The following COL24A1 variants were observed in gnomAD, a reference collection of about 807,000 sequenced individuals.
The protein encoded by COL24A1 is collagen type XXIV alpha 1 chain, also known as collagen alpha-1(XXIV) chain.
COL24A1 carries 224 observed loss-of-function variants against 253.9 expected under a neutral mutation model. That is an observed-to-expected ratio of 0.88 (90% CI 0.79 to 0.99). COL24A1 has a LOEUF of 0.99. COL24A1 is among the 50% of genes least tolerant of loss of function. The pLI, the probability that COL24A1 is intolerant of heterozygous loss-of-function variation, is 0.00. For missense variants in COL24A1, 2,131 were observed against 2,068.5 expected (o/e 1.03, Z -0.59); for synonymous variants, 685 against 673.7 (o/e 1.02, Z -0.26).
At chr1:85,891,394 A>G (rs1410827544) in intron 31 of COL24A1, among the ~76,000 whole-genome samples, 1 of 152,116 alleles carries the variant, frequency 6.6e-6, no homozygotes, top group Non-Finnish European at 1.5e-5. Flanking sequence ...TATTGATCTC[A>G]GGAAAGCTGA....
intron 2 of COL24A1, among the ~76,000 whole-genome samples, chr1:86,138,150 T>A (rs184765302): frequency 1.5e-3 from 222 of 152,332 alleles, no homozygotes; most frequent in African/African-American, 5.2e-3. Flanking sequence ...TTGATTTTAA[T>A]CTGTATCCTT....
At chr1:85,825,063 T>A (rs1374138676) in intron 43 of COL24A1, among the ~76,000 whole-genome samples, 1 of 146,404 alleles carries the variant, frequency 6.8e-6, no homozygotes, top group Non-Finnish European at 1.5e-5. Flanking sequence ...CCCAATGCTA[T>A]CCCTCTCCCC....
intron 47 of COL24A1, among the ~76,000 whole-genome samples, chr1:85,794,088 C>T (rs1313909397): frequency 1.3e-5 from 2 of 151,940 alleles, no homozygotes; most frequent in Non-Finnish European, 2.9e-5. Context: ...AGATGTAGAT[C>T]GTGTGAGAAT....
chr1:86,021,524 T>TA (rs1697536950), intron 18 of COL24A1, among the ~76,000 whole-genome samples: 1 of 152,002 alleles, frequency 6.6e-6, no homozygotes, highest in Admixed American at 6.6e-5. Context: ...TTTCTTAATA[T>TA]AAAAAATAGG....
At chr1:86,090,998 T>C (rs185510076) in intron 6 of COL24A1, among the ~76,000 whole-genome samples, 100 of 152,194 alleles carry the variant, frequency 6.6e-4, no homozygotes, top group African/African-American at 2.3e-3. Flanking sequence ...GTCACCAAAA[T>C]TGAGTGGGCC....
chr1:85,942,142 A>G (rs987793765), intron 24 of COL24A1, among the ~76,000 whole-genome samples: 1 of 152,188 alleles, frequency 6.6e-6, no homozygotes, highest in African/African-American at 2.4e-5. Context: ...TCTTTAGGCA[A>G]TAATAAATCT....
chr1:86,064,754 G>A (rs1701345752), intron 7 of COL24A1, among the ~76,000 whole-genome samples: 1 of 152,160 alleles, frequency 6.6e-6, no homozygotes, highest in South Asian at 2.1e-4. Flanking sequence ...TATCAGAAGA[G>A]ATGAATTCGG....
At chr1:86,079,387 G>C (rs1702476009) in intron 7 of COL24A1, among the ~76,000 whole-genome samples, 1 of 152,126 alleles carries the variant, frequency 6.6e-6, no homozygotes. Flanking sequence ...CAGGACATTG[G>C]TCTGGGCAAA....
At position 85,834,211 on chromosome 1, in the gene COL24A1, A is replaced by G. The variant is rs147157917; in HGVS notation, c.3681+4374T>C. 9.3e-3 allele frequency among the ~76,000 whole-genome samples: 1,412 copies of G among 152,228 alleles called. 59 individuals are homozygous for G. Among genetic ancestry groups the G allele is most frequent in the Admixed American group, 0.066 (1,008 of 15,278 alleles). ...AACTAGATTCCAGAAACATTTAAGA[A>G]TCAAAAGAAGTGGCTGACTGTGAGA... On this transcript the variant is annotated intron_variant, in intron 43 of 59. Coordinates refer to ENST00000370571, the MANE Select transcript of COL24A1 (RefSeq NM_152890.7).
rs990809037 is a variant in COL24A1 at position 86,002,297 on chromosome 1, C to T, written c.2311-14643G>A. Reference sequence around the variant, plus strand: ...TTACAGCATCGCTGAATTCACCAGGCGCACCCCTGCGGAGATCGCATAGAT... The same window carrying T: ...TTACAGCATCGCTGAATTCACCAGGTGCACCCCTGCGGAGATCGCATAGAT... On this transcript the variant is annotated intron_variant, in intron 19 of 59. Transcript: ENST00000370571. Among the ~76,000 whole-genome samples the T allele has an allele frequency of 1.9e-4, 29 of 152,270 alleles. 1 individual carries two copies. The highest frequency in any genetic ancestry group is 1.7e-3 in the South Asian group (8 of 4,820).
intron 12 of COL24A1, among the ~76,000 whole-genome samples, chr1:86,041,919 T>A (rs1333381244): frequency 6.6e-6 from 1 of 152,098 alleles, no homozygotes; most frequent in Non-Finnish European, 1.5e-5. Context: ...AAAGGATGAA[T>A]CAATAATAGC....
At chr1:86,048,736 C>T (rs1041627812) in intron 11 of COL24A1, among the ~76,000 whole-genome samples, 24 of 152,218 alleles carry the variant, frequency 1.6e-4, no homozygotes, top group Non-Finnish European at 2.4e-4. Context: ...ATGATCCACC[C>T]GCCTCGGCCT....
At chr1:85,792,190 T>C (rs1670342072) in intron 47 of COL24A1, among the ~76,000 whole-genome samples, 1 of 151,894 alleles carries the variant, frequency 6.6e-6, no homozygotes, top group South Asian at 2.1e-4. Context: ...ACAGAAAAAG[T>C]TTGTTGACTT....
intron 19 of COL24A1, among the ~76,000 whole-genome samples, chr1:85,989,145 T>C (rs1395185961): frequency 2.0e-5 from 3 of 152,056 alleles, no homozygotes; most frequent in African/African-American, 4.8e-5. Context: ...CTTGTGGACT[T>C]GAATCAAGAC....
chr1:85,745,650 A>G, intron 55 of COL24A1, 144 bp from the exon 56 acceptor site: 1 of 498,806 alleles, frequency 2.0e-6, no homozygotes, highest in Non-Finnish European at 3.4e-6. Flanking sequence ...ACGGTTAGAC[A>G]GATTTTGCAA....
intron 47 of COL24A1, among the ~76,000 whole-genome samples, chr1:85,814,884 A>T (rs1398163080): frequency 6.6e-6 from 1 of 152,174 alleles, no homozygotes; most frequent in Non-Finnish European, 1.5e-5. Flanking sequence ...ACTGGTTTCT[A>T]TTATCCACAT....
Position 85,945,002 on chromosome 1 carries a change from G to GTTTTTTTTTT in COL24A1, c.2562+16237_2562+16246dup, listed in dbSNP as rs1165341082. Among the ~76,000 whole-genome samples, 18 of 35,358 alleles carry GTTTTTTTTTT rather than the reference G, an allele frequency of 5.1e-4. 1 individual carries two copies. Among genetic ancestry groups the GTTTTTTTTTT allele is most frequent in the Admixed American group, 1.0e-3 (2 of 1,982 alleles). The allele number at this position is 35,358 out of a possible 152,430, so 23.2% of individuals were successfully genotyped here. On this transcript the variant is annotated intron_variant, in intron 24 of 59. Coordinates refer to ENST00000370571, the MANE Select transcript of COL24A1 (RefSeq NM_152890.7). ...TTTTCTTAATCCAGTCTATCATTGT[G>GTTTTTTTTTT]TTTTTTTTTTTTTTTTTTTTTTTTT...
chr1:86,126,302 C>T, intron 2 of COL24A1, 88 bp from the exon 3 acceptor site: 1 of 1,224,164 alleles, frequency 8.2e-7, no homozygotes, highest in Non-Finnish European at 1.1e-6. Flanking sequence ...TAAAAATCTT[C>T]CTTGTAGCAA....
chr1:85,804,852 ACT>A (rs1671800939), intron 47 of COL24A1, among the ~76,000 whole-genome samples: 1 of 149,706 alleles, frequency 6.7e-6, no homozygotes, highest in Admixed American at 6.6e-5. Flanking sequence ...GATGGCAAAT[ACT>A]CTTTTTTTTT....
Sources: allele counts gnomAD v4.1 joint callset (sites outside exome capture counted in the v4.1 genomes callset), GRCh38; gene constraint gnomAD v4.1.1; transcripts MANE v1.5; gene names NCBI Gene and HGNC (gene_info 2026-07-23, HGNC 2026-07-21).